The following RSRC1 variants were observed in gnomAD, a reference collection of about 807,000 sequenced individuals.
The protein encoded by RSRC1 is arginine and serine rich coiled-coil 1.
Under a neutral mutation model 49.1 loss-of-function variants are expected in RSRC1, and 39 were observed. That is an observed-to-expected ratio of 0.79 (90% CI 0.61 to 1.04). The LOEUF (loss-of-function observed/expected upper bound fraction) is 1.04, where lower values mean the gene tolerates loss of function less well. RSRC1 is among the 50% of genes least tolerant of loss of function. RSRC1 has a pLI of 0.00. For synonymous variants in RSRC1, 143 were observed against 130.8 expected, an observed-to-expected ratio of 1.09 and a Z score of -0.63; for missense variants, 388 against 402.4, an observed-to-expected ratio of 0.96 and a Z score of 0.31.
intron 4 of RSRC1, chr3:158,276,435 A>G: frequency 1.4e-6 from 1 of 712,948 alleles, no homozygotes; most frequent in Non-Finnish European, 2.5e-6. Flanking sequence ...GGCTTACTTG[A>G]TGGCTGCCGC....
At chr3:158,461,997 G>GAA (rs3086337) in intron 7 of RSRC1, among the ~76,000 whole-genome samples, 16 of 119,138 alleles carry the variant, frequency 1.3e-4, no homozygotes, top group East Asian at 5.7e-4. Flanking sequence ...AAAACCAAGC[G>GAA]AAAAAAAAAA....
At chr3:158,284,768 A>G (rs866997594) in intron 4 of RSRC1, among the ~76,000 whole-genome samples, 1 of 151,250 alleles carries the variant, frequency 6.6e-6, no homozygotes, top group South Asian at 2.1e-4. Flanking sequence ...AATTTGTTTG[A>G]GTTCATTGTA....
chr3:158,205,060 T>G (rs1018318450), intron 4 of RSRC1, among the ~76,000 whole-genome samples: 8 of 152,294 alleles, frequency 5.3e-5, no homozygotes, highest in African/African-American at 1.9e-4. Context: ...GGATGGCAAG[T>G]TTACAAGATA....
chr3:158,247,084 C>CT (rs1723943091), intron 4 of RSRC1, among the ~76,000 whole-genome samples: 1 of 152,028 alleles, frequency 6.6e-6, no homozygotes, highest in East Asian at 1.9e-4. Context: ...CCTTTTCATT[C>CT]TTTTTTCTCT....
At chr3:158,382,910 G>C (rs1372485897) in intron 6 of RSRC1, among the ~76,000 whole-genome samples, 1 of 152,108 alleles carries the variant, frequency 6.6e-6, no homozygotes, top group Non-Finnish European at 1.5e-5. Context: ...CCTACAAAGA[G>C]CTAATCATTT....
In RSRC1 at chr3:158,545,580, G is replaced by A. The variant is rs984932201; in HGVS notation, c.*1305G>A. 2 of 152,052 alleles carry A rather than the reference G, an allele frequency of 1.3e-5. No homozygotes were observed. The highest frequency in any genetic ancestry group is 4.8e-5 in the African/African-American group (2 of 41,398). 9.4% of individuals were successfully genotyped at this position (152,052 alleles called of 1,614,324 possible). The stretch of plus-strand genomic sequence containing the variant: ...CTGGGACATTAAAATTCAAATCTCT[G>A]TTGAAAATGAAAAATGTAAAACTTA... On this transcript the variant is annotated 3_prime_UTR_variant, in exon 10 of 10. Transcript: ENST00000611884.
chr3:158,285,093 G>C (rs985891636), intron 4 of RSRC1, among the ~76,000 whole-genome samples: 2 of 152,200 alleles, frequency 1.3e-5, no homozygotes, highest in Non-Finnish European at 2.9e-5. Flanking sequence ...AAGGGATCCA[G>C]TTTCAGCTTT....
intron 3 of RSRC1, among the ~76,000 whole-genome samples, chr3:158,199,823 G>A (rs938879266): frequency 2.6e-5 from 4 of 151,996 alleles, no homozygotes; most frequent in African/African-American, 9.7e-5. Flanking sequence ...GAGGTTTTCT[G>A]TATGTCTTAT....
At chr3:158,243,662 T>A (rs1323527883) in intron 4 of RSRC1, among the ~76,000 whole-genome samples, 1 of 152,030 alleles carries the variant, frequency 6.6e-6, no homozygotes. Context: ...CAATATTGAT[T>A]CTATCCATGA....
At chr3:158,286,283 GAATTT>G (rs1313836408) in intron 4 of RSRC1, among the ~76,000 whole-genome samples, 1 of 152,090 alleles carries the variant, frequency 6.6e-6, no homozygotes, top group Non-Finnish European at 1.5e-5. Flanking sequence ...TAAAGTTTGG[GAATTT>G]AATTCAAGTT....
intron 6 of RSRC1, among the ~76,000 whole-genome samples, chr3:158,407,685 C>T (rs925713806): frequency 1.3e-5 from 2 of 152,066 alleles, no homozygotes; most frequent in Admixed American, 6.6e-5. Flanking sequence ...CCACCATTTT[C>T]TGTGTTGCTT....
intron 5 of RSRC1, among the ~76,000 whole-genome samples, chr3:158,322,566 TGTAA>T (rs1485219450): frequency 1.3e-5 from 2 of 152,276 alleles, no homozygotes; most frequent in African/African-American, 4.8e-5. Context: ...CTACAATGCA[TGTAA>T]GTGTGAGTCC....
chr3:158,500,186 A>G (rs1424136447), intron 7 of RSRC1, among the ~76,000 whole-genome samples: 1 of 152,180 alleles, frequency 6.6e-6, no homozygotes. Flanking sequence ...TGCATATGTT[A>G]AACTATCCCT....
intron 5 of RSRC1, among the ~76,000 whole-genome samples, chr3:158,342,766 C>T (rs899616755): frequency 1.3e-5 from 2 of 152,010 alleles, no homozygotes; most frequent in African/African-American, 2.4e-5. Context: ...CAACTAAAAA[C>T]GCGGACAAAA....
intron 7 of RSRC1, among the ~76,000 whole-genome samples, chr3:158,492,811 T>C (rs1208142201): frequency 6.6e-6 from 1 of 152,204 alleles, no homozygotes; most frequent in East Asian, 1.9e-4. Flanking sequence ...ACTAAGAATT[T>C]ATTTTCTTTT....
At chr3:158,523,730 T>A (rs909759010) in intron 7 of RSRC1, among the ~76,000 whole-genome samples, 1 of 152,178 alleles carries the variant, frequency 6.6e-6, no homozygotes, top group South Asian at 2.1e-4. Flanking sequence ...TGCCTAATGA[T>A]TTCCCATCAA....
chr3:158,459,793 A>G (rs12631675), intron 6 of RSRC1, among the ~76,000 whole-genome samples: 48,671 of 151,750 alleles, frequency 0.32, 8,590 homozygotes, highest in Middle Eastern at 0.47. Context: ...ATGGAAACAG[A>G]TGTCTGTGTA....
chr3:158,414,768 G>T (rs1050006252), intron 6 of RSRC1, among the ~76,000 whole-genome samples: 3 of 151,826 alleles, frequency 2.0e-5, no homozygotes, highest in African/African-American at 7.3e-5. Flanking sequence ...TGAACTGGAA[G>T]GTTAATTATA....
intron 3 of RSRC1, among the ~76,000 whole-genome samples, chr3:158,200,165 G>A (rs1240539275): frequency 6.6e-6 from 1 of 152,020 alleles, no homozygotes; most frequent in African/African-American, 2.4e-5. Context: ...AGCCTCCCAA[G>A]TAGCTGGGAC....
Sources: allele counts gnomAD v4.1 joint callset (sites outside exome capture counted in the v4.1 genomes callset), GRCh38; gene constraint gnomAD v4.1.1; transcripts MANE v1.5; gene names NCBI Gene and HGNC (gene_info 2026-07-23, HGNC 2026-07-21).